IGF2BP2: variants seen among roughly 807,000 people sequenced by gnomAD.
IGF2BP2 encodes the protein insulin-like growth factor 2 mRNA-binding protein 2.
In IGF2BP2, 17 loss-of-function variants were observed where a neutral mutation model predicts 75.8. The ratio of observed to expected loss-of-function variants is 0.22; its 90% CI spans 0.15 to 0.34. IGF2BP2 has a LOEUF of 0.34. IGF2BP2 is among the 10% of genes least tolerant of loss of function. IGF2BP2 has a pLI of 1.00. For missense variants in IGF2BP2, 516 were observed against 772.4 expected (o/e 0.67, Z 3.93); for synonymous variants, 288 against 295.6 (o/e 0.97, Z 0.26).
chr3:185,809,820 T>C (rs1025392073), intron 2 of IGF2BP2, among the ~76,000 whole-genome samples: 2 of 152,138 alleles, frequency 1.3e-5, no homozygotes, highest in Non-Finnish European at 2.9e-5. Flanking sequence ...ACAGCTTCAA[T>C]CTTAATTTAT....
intron 5 of IGF2BP2, among the ~76,000 whole-genome samples, chr3:185,690,339 T>A (rs896810776): frequency 6.6e-6 from 1 of 152,230 alleles, no homozygotes; most frequent in African/African-American, 2.4e-5. Flanking sequence ...CTATCTTTAC[T>A]GTCTTTCTTA....
rs568796199 is a variant in IGF2BP2 at position 185,731,105 on chromosome 3, A to G, written c.240-32758T>C. Among the ~76,000 whole-genome samples, 8 of 152,346 alleles carry G rather than the reference A, an allele frequency of 5.3e-5. No homozygotes were observed. The South Asian group carries it at 1.2e-3, about 24-fold the overall frequency. ...TCGGTTTTAACTCCAGATGTGGTAA[A>G]TATCAAAAGCTCTTTGGATTCCTCA... On this transcript the variant is annotated intron_variant, in intron 2 of 15. Coordinates refer to ENST00000382199, the MANE Select transcript of IGF2BP2 (RefSeq NM_006548.6).
chr3:185,800,846 A>G (rs984070753), intron 2 of IGF2BP2, among the ~76,000 whole-genome samples: 7 of 152,236 alleles, frequency 4.6e-5, no homozygotes, highest in Admixed American at 4.6e-4. Flanking sequence ...AATCGTAACA[A>G]AAGCCAAATT....
At chr3:185,779,678 TC>T (rs1447791570) in intron 2 of IGF2BP2, among the ~76,000 whole-genome samples, 2 of 152,218 alleles carry the variant, frequency 1.3e-5, no homozygotes, top group East Asian at 3.9e-4. Context: ...TTTAACAAAA[TC>T]CCCAGGTAAT....
chr3:185,805,768 A>ACCTTTTTT (rs1311863395), intron 2 of IGF2BP2, among the ~76,000 whole-genome samples: 1 of 150,250 alleles, frequency 6.7e-6, no homozygotes, highest in African/African-American at 2.5e-5. Flanking sequence ...TGTGAAGTAA[A>ACCTTTTTT]TCTTTTTTTT....
intron 11 of IGF2BP2, among the ~76,000 whole-genome samples, chr3:185,657,721 T>C (rs1715689029): frequency 6.6e-6 from 1 of 152,252 alleles, no homozygotes; most frequent in South Asian, 2.1e-4. Flanking sequence ...ATCTCTCCTG[T>C]GTCTTCACCC....
At chr3:185,809,008 T>C (rs936481441) in intron 2 of IGF2BP2, among the ~76,000 whole-genome samples, 6 of 152,362 alleles carry the variant, frequency 3.9e-5, no homozygotes, top group Non-Finnish European at 7.3e-5. Context: ...AGATGCTGTC[T>C]GCTTAATTTA....
At chr3:185,725,844 G>A (rs1578113732) in intron 2 of IGF2BP2, among the ~76,000 whole-genome samples, 1 of 152,294 alleles carries the variant, frequency 6.6e-6, no homozygotes, top group South Asian at 2.1e-4. Flanking sequence ...GGGCATGTGT[G>A]CTTGTAGTCC....
chr3:185,695,607 C>G (rs73175561), intron 4 of IGF2BP2, among the ~76,000 whole-genome samples: 221 of 152,240 alleles, frequency 1.5e-3, no homozygotes, highest in Non-Finnish European at 2.7e-3. Context: ...TTCTGGGACT[C>G]TTAAAGAGCT....
chr3:185,788,391 G>C (rs1736172242), intron 2 of IGF2BP2, among the ~76,000 whole-genome samples: 1 of 152,088 alleles, frequency 6.6e-6, no homozygotes, highest in Non-Finnish European at 1.5e-5. Context: ...CACACCTGTT[G>C]TCCCAGCTAC....
At chr3:185,720,650 C>T (rs1024105590) in intron 2 of IGF2BP2, among the ~76,000 whole-genome samples, 1 of 152,158 alleles carries the variant, frequency 6.6e-6, no homozygotes, top group Admixed American at 6.5e-5. Flanking sequence ...CAGGCCACTA[C>T]GAAGGCATGC....
At chr3:185,689,998 G>A (rs1027398288) in intron 5 of IGF2BP2, among the ~76,000 whole-genome samples, 5 of 149,418 alleles carry the variant, frequency 3.3e-5, no homozygotes, top group African/African-American at 4.9e-5. Flanking sequence ...AGACCCTCCC[G>A]CAAGACTGGT....
intron 6 of IGF2BP2, among the ~76,000 whole-genome samples, chr3:185,688,527 G>C (rs1028570791): frequency 2.6e-5 from 4 of 152,134 alleles, no homozygotes; most frequent in African/African-American, 4.8e-5. Flanking sequence ...ATTTTTAGTA[G>C]AGACAGGGTT....
chr3:185,774,163 T>A (rs1216896364), intron 2 of IGF2BP2, among the ~76,000 whole-genome samples: 1 of 152,110 alleles, frequency 6.6e-6, no homozygotes, highest in African/African-American at 2.4e-5. Context: ...GTTCATACAA[T>A]TGAGGCGGGT....
intron 2 of IGF2BP2, among the ~76,000 whole-genome samples, chr3:185,776,807 TCAA>T (rs991767580): frequency 5.9e-5 from 9 of 152,340 alleles, no homozygotes; most frequent in East Asian, 3.9e-4. Context: ...ATCGGTCTTG[TCAA>T]CAACAACTTT....
intron 2 of IGF2BP2, among the ~76,000 whole-genome samples, chr3:185,736,782 T>C (rs1578147165): frequency 6.6e-6 from 1 of 152,216 alleles, no homozygotes; most frequent in South Asian, 2.1e-4. Flanking sequence ...CTGCACAATG[T>C]TGGGGACATG....
intron 10 of IGF2BP2, among the ~76,000 whole-genome samples, chr3:185,669,130 T>A (rs1365202334): frequency 6.6e-6 from 1 of 152,136 alleles, no homozygotes; most frequent in Non-Finnish European, 1.5e-5. Flanking sequence ...GAAGAAAAAA[T>A]CTTGCTCCGT....
chr3:185,790,480 C>T (rs1736498451), intron 2 of IGF2BP2, among the ~76,000 whole-genome samples: 1 of 152,172 alleles, frequency 6.6e-6, no homozygotes, highest in South Asian at 2.1e-4. Context: ...TTATACTAAT[C>T]TATGGAAAGA....
chr3:185,775,506 CAAGCCAAAG>C (rs1433096317), intron 2 of IGF2BP2, among the ~76,000 whole-genome samples: 1 of 152,134 alleles, frequency 6.6e-6, no homozygotes, highest in Non-Finnish European at 1.5e-5. Flanking sequence ...AGGATCTTGA[CAAGCCAAAG>C]AAGCAGCCTG....
Sources: gnomAD v4.1 joint callset for allele counts (sites outside exome capture counted in the v4.1 genomes callset) on GRCh38, gnomAD v4.1.1 for gene constraint, MANE v1.5 for transcripts, NCBI Gene and HGNC (gene_info 2026-07-23, HGNC 2026-07-21) for gene names.